The following SLC12A2 variants were observed in gnomAD, a reference collection of about 807,000 sequenced individuals.
SLC12A2 encodes the protein solute carrier family 12 member 2, also known as Na-K-2Cl cotransporter 1.
Under a neutral mutation model 136.3 loss-of-function variants are expected in SLC12A2, and 67 were observed. That is an observed-to-expected ratio of 0.49 (90% CI 0.40 to 0.60). The LOEUF (loss-of-function observed/expected upper bound fraction) is 0.60, where lower values mean the gene tolerates loss of function less well. Ranked by LOEUF, SLC12A2 falls within the 20% of genes least tolerant of loss-of-function variation. The pLI, the probability that SLC12A2 is intolerant of heterozygous loss-of-function variation, is 0.00. For synonymous variants in SLC12A2, 619 were observed against 562.9 expected (o/e 1.10, Z -1.41); for missense variants, 1,322 against 1,534.7 (o/e 0.86, Z 2.32).
At chr5:128,112,744 A>G in intron 1 of SLC12A2, 70 bp from the exon 2 acceptor site, 2 of 1,186,204 alleles carry the variant, frequency 1.7e-6, no homozygotes, top group Non-Finnish European at 2.4e-6. Flanking sequence ...GTATTTAGTT[A>G]TGTTTGTTTT....
At position 128,186,715 on chromosome 5, in the gene SLC12A2, C is replaced by A; in HGVS notation, c.*84C>A. 2 of 1,345,698 alleles carry A rather than the reference C, an allele frequency of 1.5e-6. No homozygotes were observed. The highest frequency in any genetic ancestry group is 1.0e-6 in the Non-Finnish European group (1 of 965,314). 83.4% of individuals were successfully genotyped at this position (1,345,698 alleles called of 1,614,324 possible). A position where few individuals can be genotyped will look rare whatever the true frequency, so the allele number is the denominator to read the frequency against. Reference sequence around the variant, plus strand: ...GAAATCTTCAATGACACATTAACATCACAATGGCGAATGGTGACTTTTCTT... The same window carrying A: ...GAAATCTTCAATGACACATTAACATAACAATGGCGAATGGTGACTTTTCTT... On this transcript the variant is annotated 3_prime_UTR_variant, in exon 27 of 27. Coordinates refer to ENST00000262461, the MANE Select transcript of SLC12A2 (RefSeq NM_001046.3).
At chr5:128,152,836 T>A (rs1762747057) in intron 15 of SLC12A2, 31 bp downstream of exon 15, 1 of 1,309,774 alleles carries the variant, frequency 7.6e-7, no homozygotes, top group Non-Finnish European at 1.1e-6. Flanking sequence ...CATGGAAGCA[T>A]TTTCTCTTTG....
intron 13 of SLC12A2, 65 bp downstream of exon 13, chr5:128,150,163 T>C: frequency 1.9e-6 from 2 of 1,055,772 alleles, no homozygotes; most frequent in Non-Finnish European, 2.9e-6. Flanking sequence ...ATAAAACTTT[T>C]GCCACATTTT....
rs1759928304 is a variant in SLC12A2, at chr5:128,084,002, C to T, written c.48C>T (p.Ala16=). ...CCTCCTCCGGCGCCCCGGGACTGGC[C>T]GGGGTCGGGGAGACGCCGTCAGCCG... ...TAPSSGAPGL[A]GVGETPSAAA... Residue 16 remains alanine (A), a synonymous_variant, in exon 1 of 27, where the codon GCC becomes GCT. Coordinates refer to ENST00000262461, the MANE Select transcript of SLC12A2 (RefSeq NM_001046.3). The surrounding 1 kb of genome is among the most constrained non-coding windows in gnomAD (Gnocchi z 5.6). The T allele has an allele frequency of 8.0e-7, 1 of 1,251,400 alleles. No homozygotes were observed. The highest frequency in any genetic ancestry group is 1.0e-6 in the Non-Finnish European group (1 of 1,000,066). The allele number at this position is 1,251,400 out of a possible 1,614,324, so 77.5% of individuals were successfully genotyped here. A position where few individuals can be genotyped will look rare whatever the true frequency, so the allele number is the denominator to read the frequency against.
chr5:128,088,276 G>C (rs1186362725), intron 1 of SLC12A2, among the ~76,000 whole-genome samples: 1 of 152,086 alleles, frequency 6.6e-6, no homozygotes, highest in Non-Finnish European at 1.5e-5. Flanking sequence ...GGGAAGCTGA[G>C]AGAAAAGAGT....
intron 9 of SLC12A2, 59 bp downstream of exon 9, chr5:128,138,967 A>G: frequency 1.8e-6 from 2 of 1,124,404 alleles, no homozygotes; most frequent in East Asian, 2.4e-5. Context: ...CGTACTATAA[A>G]TACTTATTTT....
chr5:128,189,569 G>A lies in SLC12A2; in HGVS notation c.*2938G>A, dbSNP rs1244426732. 6.6e-6 allele frequency: 1 copy of A among 152,598 alleles called. No homozygotes were observed. Among genetic ancestry groups the A allele is most frequent in the South Asian group, 2.1e-4 (1 of 4,832 alleles). The allele number at this position is 152,598 out of a possible 1,614,324, so 9.5% of individuals were successfully genotyped here. Reference sequence around the variant, plus strand: ...GAAAATGTAATATTTTGATAATACTGTAATATACCTGTCACACAAATGCTT... The same window carrying A: ...GAAAATGTAATATTTTGATAATACTATAATATACCTGTCACACAAATGCTT... On this transcript the variant is annotated 3_prime_UTR_variant, in exon 27 of 27. Transcript: ENST00000262461.
chr5:128,103,683 A>C (rs1218052047), intron 1 of SLC12A2, among the ~76,000 whole-genome samples: 1 of 151,534 alleles, frequency 6.6e-6, no homozygotes, highest in Non-Finnish European at 1.5e-5. Flanking sequence ...GCTGCATTTA[A>C]ACTAAGACCT....
rs1320829080 is a variant in SLC12A2 at position 128,084,233 on chromosome 5, C to A, written c.279C>A (p.Ala93=). ...TGGTTTCCGAGAACGCCGGGCGGGCCGCTGCTGCGGCGGCGGCGGCGGCGG... is the reference window on the plus strand; with the variant it reads ...TGGTTTCCGAGAACGCCGGGCGGGCAGCTGCTGCGGCGGCGGCGGCGGCGG... ...VDLVSENAGR[A]AAAAAAAAAA... The change falls in exon 1 of 27, where the codon GCC becomes GCA. Residue 93 remains alanine (A), a synonymous_variant. Coordinates refer to ENST00000262461, the MANE Select transcript of SLC12A2 (RefSeq NM_001046.3). This position sits in a 1 kb window ranked among gnomAD's most constrained non-coding sequence, Gnocchi z 5.6. 4 of 1,278,564 alleles carry A rather than the reference C, an allele frequency of 3.1e-6. No individual in the cohort carries two copies. The highest frequency in any genetic ancestry group is 3.9e-6 in the Non-Finnish European group (4 of 1,023,014). 79.2% of individuals were successfully genotyped at this position (1,278,564 alleles called of 1,614,324 possible).
Position 128,174,764 on chromosome 5 carries a change from T to C in SLC12A2, c.2929+98T>C. The C allele has an allele frequency of 4.9e-6, 5 of 1,012,308 alleles. No homozygotes were observed. In the South Asian group the frequency reaches 1.0e-4, roughly 20 times the overall value. 62.7% of individuals were successfully genotyped at this position (1,012,308 alleles called of 1,614,324 possible). A position where few individuals can be genotyped will look rare whatever the true frequency, so the allele number is the denominator to read the frequency against. On this transcript the variant is annotated intron_variant, in intron 20 of 26. Transcript: ENST00000262461. ...AATATGTCTTATAAAAATAACCTGT[T>C]CTCAAACTTGTACTGGTCATTTCTA... is the stretch of plus-strand genomic sequence containing the variant.
intron 14 of SLC12A2, 85 bp from the exon 15 acceptor site, chr5:128,152,621 A>C: frequency 1.2e-6 from 1 of 838,988 alleles, no homozygotes; most frequent in Non-Finnish European, 2.1e-6. Flanking sequence ...ATGTGAAAGC[A>C]TGTTTAATTC....
At chr5:128,108,170 G>A (rs1761015771) in intron 1 of SLC12A2, among the ~76,000 whole-genome samples, 1 of 151,998 alleles carries the variant, frequency 6.6e-6, no homozygotes, top group South Asian at 2.1e-4. Context: ...CAGGAAGAGG[G>A]CTAACAATAG....
Position 128,084,099 on chromosome 5 carries a change from G to A in SLC12A2, c.145G>A (p.Ala49Thr), listed in dbSNP as rs1344766017. The change falls in exon 1 of 27, where the codon GCG becomes ACG. Residue 49 changes from alanine to threonine, a missense_variant. This residue lies in a region of SLC12A2 where 358 missense variants were observed against 299.7 expected (regional missense o/e 1.19). Transcript: ENST00000262461. This position sits in a 1 kb window ranked among gnomAD's most constrained non-coding sequence, Gnocchi z 5.6. ...CTCGGTGCCGGAGGATGCTGCGCCC[G>A]CGAGCCGGGACGGCGGCGGGGTCCG... ...VPSVPEDAAP[A>T]SRDGGGVRDE... 3.0e-6 allele frequency: 4 copies of A among 1,314,692 alleles called. No individual in the cohort carries two copies. In the East Asian group the frequency reaches 1.3e-4, roughly 42 times the overall value. 81.4% of individuals were successfully genotyped at this position (1,314,692 alleles called of 1,614,324 possible).
At chr5:128,105,500 A>G (rs1050139833) in intron 1 of SLC12A2, among the ~76,000 whole-genome samples, 2 of 152,184 alleles carry the variant, frequency 1.3e-5, no homozygotes, top group African/African-American at 2.4e-5. Context: ...TTAGCAGCCA[A>G]GAAGTCATTG....
chr5:128,172,333 C>T (rs1174395109), intron 19 of SLC12A2, among the ~76,000 whole-genome samples: 2 of 151,874 alleles, frequency 1.3e-5, no homozygotes, highest in African/African-American at 2.4e-5. Flanking sequence ...ATATCCAAGC[C>T]AGGAAATTGA....
intron 14 of SLC12A2, 71 bp from the exon 15 acceptor site, chr5:128,152,635 A>G (rs552839117): frequency 7.4e-5 from 68 of 917,324 alleles, no homozygotes; most frequent in Middle Eastern, 6.4e-4. Flanking sequence ...TTAATTCTCT[A>G]TGCCTCAGAT....
At chr5:128,142,005 C>G (rs1436138109) in intron 10 of SLC12A2, 24 bp downstream of exon 10, 2 of 1,603,690 alleles carry the variant, frequency 1.2e-6, no homozygotes, top group African/African-American at 1.3e-5. Flanking sequence ...TTGTAATATA[C>G]AGACATTCTG....
At chr5:128,141,622 G>T (rs1269040138) in intron 9 of SLC12A2, among the ~76,000 whole-genome samples, 1 of 152,032 alleles carries the variant, frequency 6.6e-6, no homozygotes, top group African/African-American at 2.4e-5. Flanking sequence ...CTTTATAAAA[G>T]GTTCAGTTTC....
intron 14 of SLC12A2, 142 bp downstream of exon 14, chr5:128,151,538 T>A: frequency 1.4e-6 from 1 of 698,846 alleles, no homozygotes; most frequent in Non-Finnish European, 2.1e-6. Flanking sequence ...TAAAATACTT[T>A]ATTTCCAAAC....
Sources: allele counts gnomAD v4.1 joint callset (sites outside exome capture counted in the v4.1 genomes callset), GRCh38; gene constraint gnomAD v4.1.1; regional missense constraint gnomAD v4.1.1; non-coding constraint Gnocchi (gnomAD v3.1); transcripts MANE v1.5; gene names NCBI Gene and HGNC (gene_info 2026-07-23, HGNC 2026-07-21).